The following DAAM2 variants were observed in gnomAD, a reference collection of about 807,000 sequenced individuals.
The protein encoded by DAAM2 is disheveled-associated activator of morphogenesis 2.
DAAM2 carries 39 observed loss-of-function variants against 120.7 expected under a neutral mutation model. That is an observed-to-expected ratio of 0.32 (90% CI 0.25 to 0.42). The LOEUF (loss-of-function observed/expected upper bound fraction) is 0.42, where lower values mean the gene tolerates loss of function less well. Among genes scored for constraint, DAAM2 ranks in the 10% least tolerant of loss-of-function variants. The pLI, the probability that DAAM2 is intolerant of heterozygous loss-of-function variation, is 1.00. For synonymous variants in DAAM2, 488 were observed against 524.9 expected (o/e 0.93, Z 0.96); for missense variants, 1,283 against 1,401.7 (o/e 0.92, Z 1.35).
chr6:39,898,168 G>A lies in DAAM2; in HGVS notation c.2619-709G>A, dbSNP rs76090263. Among the ~76,000 whole-genome samples the A allele has an allele frequency of 0.011, 1,667 of 152,316 alleles. 179 individuals are homozygous for A. The East Asian group carries it at 0.25, about 23-fold the overall frequency. ...AGGCAATTGGTGCTTAACCCCATGA[G>A]GAATTCTGGGAAACAGTGTGGAATA... On this transcript the variant is annotated intron_variant, in intron 21 of 24. Transcript: ENST00000274867.
intron 1 of DAAM2, among the ~76,000 whole-genome samples, chr6:39,827,877 C>T (rs1211549246): frequency 2.6e-5 from 4 of 152,090 alleles, no homozygotes; most frequent in Admixed American, 6.5e-5. Context: ...CCTGCCCTGC[C>T]GCTCACACTT....
intron 14 of DAAM2, chr6:39,883,629 G>A (rs147541902): frequency 2.0e-4 from 56 of 273,422 alleles, no homozygotes; most frequent in African/African-American, 1.1e-3. Context: ...TACCCTGAGT[G>A]CAGCTTCTGA....
intron 1 of DAAM2, among the ~76,000 whole-genome samples, chr6:39,846,979 C>A (rs13211639): frequency 6.6e-6 from 1 of 152,174 alleles, no homozygotes; most frequent in Non-Finnish European, 1.5e-5. Context: ...CCATCCTACC[C>A]CCTAGTTACT....
rs1458082495 is a variant in DAAM2 at position 39,904,390 on chromosome 6, G to GCT, written c.*2354_*2355dup. 4.4e-6 allele frequency: 2 copies of GCT among 456,292 alleles called. No homozygotes were observed. Among genetic ancestry groups the GCT allele is most frequent in the East Asian group, 1.4e-4 (2 of 14,394 alleles). The allele number at this position is 456,292 out of a possible 1,614,324, so 28.3% of individuals were successfully genotyped here. ...CTCATACTCAACTGAGTAAGAAGGG[G>GCT]CTGGTGCCCAGTCGGGGTGGCTGAG... On this transcript the variant is annotated 3_prime_UTR_variant, in exon 25 of 25. Transcript: ENST00000274867.
intron 15 of DAAM2, 163 bp downstream of exon 15, chr6:39,884,232 A>G (rs1765269062): frequency 5.2e-6 from 3 of 578,904 alleles, no homozygotes; most frequent in Admixed American, 3.0e-5. Context: ...TCACATGTAT[A>G]CTGAATGATT....
At chr6:39,870,568 C>G (rs1351358491) in intron 8 of DAAM2, 125 bp downstream of exon 8, 1 of 675,154 alleles carries the variant, frequency 1.5e-6, no homozygotes, top group Non-Finnish European at 2.6e-6. Flanking sequence ...AGCGCAGATT[C>G]AGAATCAGCT....
intron 15 of DAAM2, chr6:39,886,878 G>A (rs1197339483): frequency 5.9e-6 from 1 of 169,680 alleles, no homozygotes; most frequent in African/African-American, 2.4e-5. Flanking sequence ...AAGAGAAGGA[G>A]TGGGGCGGGA....
intron 10 of DAAM2, among the ~76,000 whole-genome samples, chr6:39,874,806 A>G (rs1764802865): frequency 6.6e-6 from 1 of 152,202 alleles, no homozygotes; most frequent in Admixed American, 6.5e-5. Context: ...CACTTCCACA[A>G]GAAATTTTCT....
chr6:39,873,098 C>T, intron 9 of DAAM2, 140 bp from the exon 10 acceptor site: 1 of 627,838 alleles, frequency 1.6e-6, no homozygotes, highest in South Asian at 1.9e-5. Flanking sequence ...TTGTCTTTCT[C>T]TTTTTAAGCC....
At chr6:39,872,730 C>T (rs1241347541) in intron 9 of DAAM2, among the ~76,000 whole-genome samples, 1 of 152,168 alleles carries the variant, frequency 6.6e-6, no homozygotes, top group Admixed American at 6.5e-5. Flanking sequence ...GCTTGCCTGT[C>T]ATCACACAAC....
intron 19 of DAAM2, among the ~76,000 whole-genome samples, chr6:39,896,327 C>T (rs1035953685): frequency 1.3e-5 from 2 of 152,032 alleles, no homozygotes; most frequent in Non-Finnish European, 2.9e-5. Flanking sequence ...TTTGGCTTCC[C>T]AAGCATCTGG....
At chr6:39,885,870 C>T (rs1398293677) in intron 15 of DAAM2, 2 of 152,278 alleles carry the variant, frequency 1.3e-5, no homozygotes, top group Non-Finnish European at 2.9e-5. Context: ...TCAGGGAGAA[C>T]AGAGGTGCGT....
Position 39,878,602 on chromosome 6 carries a change from TC to T in DAAM2, c.1545+19del. 6.3e-7 allele frequency: 1 copy of T among 1,593,042 alleles called. No homozygotes were observed. The highest frequency in any genetic ancestry group is 8.5e-7 in the Non-Finnish European group (1 of 1,170,550). ...AGTGAACTCTCAGTATGCAAGCATC[TC>T]CCCCTTTACATAGTTGAGCCAAGAC... On this transcript the variant is annotated intron_variant, in intron 13 of 24. Coordinates refer to ENST00000274867, the MANE Select transcript of DAAM2 (RefSeq NM_001201427.2). This position sits in a 1 kb window ranked among gnomAD's most constrained non-coding sequence, Gnocchi z 5.0.
At chr6:39,827,394 A>G (rs1253951657) in intron 1 of DAAM2, among the ~76,000 whole-genome samples, 1 of 152,182 alleles carries the variant, frequency 6.6e-6, no homozygotes, top group East Asian at 1.9e-4. Flanking sequence ...ATTTGCACAC[A>G]GGTGGGGAGT....
intron 1 of DAAM2, among the ~76,000 whole-genome samples, chr6:39,800,021 A>G (rs1219493967): frequency 6.6e-6 from 1 of 152,150 alleles, no homozygotes; most frequent in East Asian, 1.9e-4. Flanking sequence ...TCATCCTTAC[A>G]CTGGATGTAA....
intron 1 of DAAM2, among the ~76,000 whole-genome samples, chr6:39,843,499 C>T (rs1186294385): frequency 1.3e-5 from 2 of 152,348 alleles, no homozygotes; most frequent in African/African-American, 4.8e-5. Context: ...CCAGGCCGCT[C>T]TTCCTGGGAA....
rs1765720062 is a variant in DAAM2 at position 39,891,551 on chromosome 6, AGGAGACT to A, written c.2253-78_2253-72del. ...GGGGATGGAGGTGGGCAGGCTTGAG[AGGAGACT>A]GGAGCTGGCTCCGGGAGCTGGGGCT... On this transcript the variant is annotated intron_variant, in intron 18 of 24. Transcript: ENST00000274867. The A allele has an allele frequency of 8.6e-6, 13 of 1,514,334 alleles. No homozygotes were observed. In the South Asian group the frequency reaches 1.5e-4, roughly 18 times the overall value. The allele number at this position is 1,514,334 out of a possible 1,614,324, so 93.8% of individuals were successfully genotyped here.
chr6:39,853,973 C>G (rs1763908384), intron 1 of DAAM2, among the ~76,000 whole-genome samples: 1 of 152,210 alleles, frequency 6.6e-6, no homozygotes, highest in Non-Finnish European at 1.5e-5. Flanking sequence ...CCCTAATGGT[C>G]AGAAACCAGG....
At chr6:39,859,633 G>A (rs1237568913) in intron 2 of DAAM2, among the ~76,000 whole-genome samples, 1 of 152,000 alleles carries the variant, frequency 6.6e-6, no homozygotes, top group African/African-American at 2.4e-5. Context: ...TGTGAAAAAA[G>A]GAATGTAAAA....
Sources: allele counts gnomAD v4.1 joint callset (sites outside exome capture counted in the v4.1 genomes callset), GRCh38; gene constraint gnomAD v4.1.1; non-coding constraint Gnocchi (gnomAD v3.1); transcripts MANE v1.5; gene names NCBI Gene and HGNC (gene_info 2026-07-23, HGNC 2026-07-21).